NOX4: variants seen among roughly 807,000 people sequenced by gnomAD.
NOX4 encodes the protein NADPH oxidase 4, also known as kidney oxidase-1.
A neutral mutation model predicts 87.6 loss-of-function variants in NOX4; 69 were observed. The observed-to-expected ratio is 0.79, with a 90% CI of 0.65 to 0.96. The LOEUF is 0.96. Ranked by LOEUF, NOX4 falls within the 40% of genes least tolerant of loss-of-function variation. The pLI, the probability that NOX4 is intolerant of heterozygous loss-of-function variation, is 0.00. For missense variants in NOX4, 680 were observed against 681.5 expected (o/e 1.00, Z 0.02); for synonymous variants, 275 against 238.2 (o/e 1.15, Z -1.42).
At chr11:89,353,775 C>T (rs1420383988) in intron 13 of NOX4, among the ~76,000 whole-genome samples, 1 of 152,156 alleles carries the variant, frequency 6.6e-6, no homozygotes, top group Admixed American at 6.6e-5. Flanking sequence ...GCATCATCAG[C>T]CTCTGCCAAC....
chr11:89,529,348 T>C, the NOX4 span, among the ~76,000 whole-genome samples: 1 of 152,306 alleles, frequency 6.6e-6, no homozygotes, highest in South Asian at 2.1e-4. Context: ...GTTCAATTTA[T>C]AATCGTAATC....
chr11:89,391,118 A>G (rs943377090), intron 11 of NOX4, among the ~76,000 whole-genome samples: 11 of 152,282 alleles, frequency 7.2e-5, no homozygotes, highest in African/African-American at 2.6e-4. Context: ...TATGCACCAC[A>G]TACTGTGCTA....
the NOX4 span, chr11:89,548,435 C>A: frequency 1.3e-5 from 2 of 152,202 alleles, no homozygotes; most frequent in African/African-American, 4.8e-5. Context: ...AAATTTCTAT[C>A]ATTTACAACA....
chr11:89,355,138 G>C, intron 12 of NOX4, 95 bp from the exon 13 acceptor site: 1 of 886,588 alleles, frequency 1.1e-6, no homozygotes, highest in Non-Finnish European at 1.8e-6. Context: ...TATTTTGTTA[G>C]ACATTTTGAC....
At chr11:89,480,988 T>C (rs1253733065) in intron 2 of NOX4, among the ~76,000 whole-genome samples, 2 of 151,968 alleles carry the variant, frequency 1.3e-5, no homozygotes, top group Non-Finnish European at 2.9e-5. Context: ...CAATAGCAAA[T>C]AGCAGTAAAT....
chr11:89,503,238 A>G, the NOX4 span, among the ~76,000 whole-genome samples: 1 of 152,058 alleles, frequency 6.6e-6, no homozygotes, highest in Admixed American at 6.6e-5. Context: ...TTACTCCCAA[A>G]TATCATGAGG....
At chr11:89,574,973 AGG>A in the NOX4 span, among the ~76,000 whole-genome samples, 1 of 152,330 alleles carries the variant, frequency 6.6e-6, no homozygotes, top group East Asian at 1.9e-4. Flanking sequence ...ACTTAAGGTC[AGG>A]AGTTTGGGAC....
chr11:89,440,651 C>T, intron 6 of NOX4, 37 bp downstream of exon 6: 1 of 1,466,890 alleles, frequency 6.8e-7, no homozygotes. Flanking sequence ...TAAAGATGTT[C>T]CTAAACCTAA....
rs753348365 is a variant in NOX4, at chr11:89,325,267, GCACCCGCCACCA to G, written c.*1477_*1488del. The G allele has an allele frequency of 6.6e-6, 1 of 151,652 alleles. No individual in the cohort carries two copies. The highest frequency in any genetic ancestry group is 2.4e-5 in the African/African-American group (1 of 41,248). The allele number at this position is 151,652 out of a possible 1,614,324, so 9.4% of individuals were successfully genotyped here. ...GTCTCCCGAGTAGTTGGGATTATAG[GCACCCGCCACCA>G]CACCCGCCTAATATTTGTATTTTTA... On this transcript the variant is annotated 3_prime_UTR_variant, in exon 18 of 18. Coordinates refer to ENST00000263317, the MANE Select transcript of NOX4 (RefSeq NM_016931.5).
upstream of NOX4, among the ~76,000 whole-genome samples, chr11:89,493,673 CT>C (rs1419074921): frequency 3.3e-5 from 5 of 151,108 alleles, no homozygotes; most frequent in African/African-American, 1.2e-4. Flanking sequence ...CGCAGGAACT[CT>C]CATTAATGAG....
At chr11:89,406,995 T>C (rs994276442) in intron 8 of NOX4, among the ~76,000 whole-genome samples, 6 of 152,026 alleles carry the variant, frequency 3.9e-5, no homozygotes, top group Non-Finnish European at 8.8e-5. Context: ...GAGGAAGCCA[T>C]ATGCACAAAG....
intron 8 of NOX4, among the ~76,000 whole-genome samples, chr11:89,419,901 TA>T (rs1451005388): frequency 6.6e-6 from 1 of 151,972 alleles, no homozygotes; most frequent in African/African-American, 2.4e-5. Context: ...TAGTAAAACA[TA>T]AAGGCAAAAT....
the NOX4 span, among the ~76,000 whole-genome samples, chr11:89,585,723 C>T: frequency 7.2e-5 from 11 of 152,286 alleles, no homozygotes; most frequent in East Asian, 1.9e-4. Context: ...CAAAAGCAAA[C>T]GATTGAGTCA....
At chr11:89,354,823 A>G (rs1294934317) in intron 13 of NOX4, 139 bp downstream of exon 13, 4 of 547,730 alleles carry the variant, frequency 7.3e-6, no homozygotes, top group African/African-American at 5.8e-5. Flanking sequence ...ATTGCAGAAG[A>G]TGTCTTAGTT....
chr11:89,519,275 T>A, the NOX4 span, among the ~76,000 whole-genome samples: 6 of 152,056 alleles, frequency 3.9e-5, no homozygotes, highest in African/African-American at 1.4e-4. Flanking sequence ...CTTGTATTTT[T>A]AAATTTTAAT....
At chr11:89,526,919 G>C in the NOX4 span, among the ~76,000 whole-genome samples, 1 of 152,150 alleles carries the variant, frequency 6.6e-6, no homozygotes, top group African/African-American at 2.4e-5. Flanking sequence ...GGCAGAGGTT[G>C]GAACAGAAGA....
chr11:89,348,589 C>A (rs931916495), intron 13 of NOX4, among the ~76,000 whole-genome samples: 1 of 152,106 alleles, frequency 6.6e-6, no homozygotes, highest in South Asian at 2.1e-4. Context: ...TGCACTACAG[C>A]GTGGGTGACA....
intron 6 of NOX4, among the ~76,000 whole-genome samples, chr11:89,438,751 T>TATATA (rs565379318): frequency 3.6e-4 from 26 of 72,748 alleles, no homozygotes; most frequent in African/African-American, 1.2e-3. Flanking sequence ...TATAATACTA[T>TATATA]ATATAATATA....
At chr11:89,364,683 T>C in intron 12 of NOX4, among the ~76,000 whole-genome samples, 1 of 152,126 alleles carries the variant, frequency 6.6e-6, no homozygotes, top group Non-Finnish European at 1.5e-5. Context: ...TTGACATGTA[T>C]TCTCCATAGT....
Sources: gnomAD v4.1 joint callset for allele counts (sites outside exome capture counted in the v4.1 genomes callset) on GRCh38, gnomAD v4.1.1 for gene constraint, MANE v1.5 for transcripts, NCBI Gene and HGNC (gene_info 2026-07-23, HGNC 2026-07-21) for gene names.